The following PXDNL variants were observed in gnomAD, a reference collection of about 807,000 sequenced individuals.
PXDNL encodes the protein probable oxidoreductase PXDNL.
PXDNL carries 145 observed loss-of-function variants against 150.8 expected under a neutral mutation model. That is an observed-to-expected ratio of 0.96 (90% confidence interval 0.84 to 1.10). PXDNL has a LOEUF of 1.10. PXDNL is among the 50% of genes least tolerant of loss of function. PXDNL has a pLI of 0.00. For missense variants in PXDNL, 2,087 were observed against 1,873.9 expected (o/e 1.11, Z -2.10); for synonymous variants, 757 against 725.7 (o/e 1.04, Z -0.69).
At chr8:51,348,803 T>C (rs1317822838) in intron 19 of PXDNL, among the ~76,000 whole-genome samples, 3 of 152,162 alleles carry the variant, frequency 2.0e-5, no homozygotes, top group Admixed American at 2.0e-4. Context: ...GATTATATTA[T>C]CTTGTACAAA....
chr8:51,336,211 T>C (rs1805826858), intron 21 of PXDNL, among the ~76,000 whole-genome samples: 1 of 152,226 alleles, frequency 6.6e-6, no homozygotes, highest in Non-Finnish European at 1.5e-5. Context: ...GTTTAATCTA[T>C]TTCTTCACTA....
chr8:51,458,585 GT>G (rs1249419940), intron 8 of PXDNL, among the ~76,000 whole-genome samples: 13 of 152,076 alleles, frequency 8.5e-5, no homozygotes, highest in African/African-American at 3.1e-4. Flanking sequence ...CCGATGTTTT[GT>G]CACCCATAAA....
At chr8:51,325,155 C>G (rs1016782556) in intron 21 of PXDNL, among the ~76,000 whole-genome samples, 1 of 152,212 alleles carries the variant, frequency 6.6e-6, no homozygotes, top group East Asian at 1.9e-4. Context: ...TGAGCCACTG[C>G]ACCCAGCTTA....
At chr8:51,798,380 C>A (rs546685697) in intron 1 of PXDNL, among the ~76,000 whole-genome samples, 2 of 152,276 alleles carry the variant, frequency 1.3e-5, no homozygotes, top group South Asian at 4.1e-4. Flanking sequence ...AAGAAACTAT[C>A]ATCAGAGTGA....
intron 15 of PXDNL, 125 bp from the exon 16 acceptor site, chr8:51,411,532 C>T (rs1808650562): frequency 1.5e-5 from 12 of 822,150 alleles, no homozygotes; most frequent in South Asian, 2.9e-5. Context: ...TCCACCACTA[C>T]AATAGAGGCT....
intron 3 of PXDNL, among the ~76,000 whole-genome samples, chr8:51,567,216 G>A (rs1207067564): frequency 6.6e-6 from 1 of 151,608 alleles, no homozygotes; most frequent in African/African-American, 2.4e-5. Flanking sequence ...CTTGGTGAAT[G>A]TTCTATGTGA....
At chr8:51,652,840 TATTATCC>T (rs1815070206) in intron 2 of PXDNL, among the ~76,000 whole-genome samples, 1 of 152,236 alleles carries the variant, frequency 6.6e-6, no homozygotes, top group African/African-American at 2.4e-5. Flanking sequence ...AACAAATTAA[TATTATCC>T]ATGGTTTCTG....
chr8:51,601,313 G>T (rs746677925), intron 2 of PXDNL, among the ~76,000 whole-genome samples: 1 of 151,802 alleles, frequency 6.6e-6, no homozygotes, highest in Non-Finnish European at 1.5e-5. Flanking sequence ...CAATGTTGTC[G>T]TTGGGGTGTT....
At chr8:51,378,342 T>A (rs1021741784) in intron 17 of PXDNL, among the ~76,000 whole-genome samples, 1 of 152,074 alleles carries the variant, frequency 6.6e-6, no homozygotes, top group African/African-American at 2.4e-5. Flanking sequence ...TGTGTCTAGC[T>A]CAAGGTTTGT....
At chr8:51,663,262 C>T (rs1448870854) in intron 1 of PXDNL, among the ~76,000 whole-genome samples, 1 of 152,162 alleles carries the variant, frequency 6.6e-6, no homozygotes, top group African/African-American at 2.4e-5. Flanking sequence ...AGCTGAGACC[C>T]CAGTGATGGA....
At chr8:51,583,699 G>T (rs935776870) in intron 3 of PXDNL, among the ~76,000 whole-genome samples, 1 of 152,098 alleles carries the variant, frequency 6.6e-6, no homozygotes, top group African/African-American at 2.4e-5. Context: ...TCCATGGTAG[G>T]TGTTTATTAC....
intron 8 of PXDNL, among the ~76,000 whole-genome samples, chr8:51,462,399 C>G (rs894262976): frequency 6.6e-6 from 1 of 152,026 alleles, no homozygotes; most frequent in Non-Finnish European, 1.5e-5. Context: ...TCCAAGGAAG[C>G]CAATAGAATG....
intron 1 of PXDNL, among the ~76,000 whole-genome samples, chr8:51,731,498 T>C (rs1220859810): frequency 6.6e-6 from 1 of 152,194 alleles, no homozygotes; most frequent in Non-Finnish European, 1.5e-5. Context: ...TCCAGGCACA[T>C]AGTGCAAGCT....
intron 5 of PXDNL, among the ~76,000 whole-genome samples, chr8:51,491,034 C>T (rs1039724534): frequency 6.6e-6 from 1 of 151,962 alleles, no homozygotes; most frequent in African/African-American, 2.4e-5. Context: ...CAGCTGCCGG[C>T]GTGGCCAGAA....
chr8:51,556,873 T>C lies in PXDNL; in HGVS notation c.347A>G (p.Gln116Arg). The C allele has an allele frequency of 6.3e-7, 1 of 1,584,860 alleles. No individual in the cohort carries two copies. Among genetic ancestry groups the C allele is most frequent in the Non-Finnish European group, 8.7e-7 (1 of 1,154,214 alleles). The change falls in exon 4 of 23, where the codon CAA (glutamine) becomes CGA (arginine). Residue 116 changes from glutamine to arginine, a missense_variant. Transcript: ENST00000356297. Reference sequence around the variant, plus strand: ...CAAAGATATGAGTCCTTTAAATGTTTGCTTATCTAGTGCATGGATTTCATT... The same window carrying C: ...CAAAGATATGAGTCCTTTAAATGTTCGCTTATCTAGTGCATGGATTTCATT... The part of the protein sequence containing the change: ...YKNEIHALDK[Q>R]TFKGLISLEH...
intron 4 of PXDNL, among the ~76,000 whole-genome samples, chr8:51,534,504 C>T (rs1812012066): frequency 8.6e-5 from 1 of 11,684 alleles, no homozygotes; most frequent in African/African-American, 1.0e-3. Context: ...CCCCGCCCGG[C>T]CAGCCGCCCA....
intron 4 of PXDNL, among the ~76,000 whole-genome samples, chr8:51,506,352 C>T (rs1811286806): frequency 6.6e-6 from 1 of 151,894 alleles, no homozygotes; most frequent in Admixed American, 6.6e-5. Flanking sequence ...ACCATCCTGG[C>T]CAACATGGTG....
At chr8:51,560,299 A>T (rs1812693011) in intron 3 of PXDNL, among the ~76,000 whole-genome samples, 1 of 151,786 alleles carries the variant, frequency 6.6e-6, no homozygotes, top group South Asian at 2.1e-4. Flanking sequence ...TTTTTTTTGC[A>T]GAAATAGGGA....
chr8:51,657,100 C>T (rs1035362859), intron 1 of PXDNL, among the ~76,000 whole-genome samples: 4 of 152,272 alleles, frequency 2.6e-5, no homozygotes, highest in Admixed American at 2.6e-4. Flanking sequence ...CTACCTTAAA[C>T]ACGCTCAGAA....
Sources: allele counts gnomAD v4.1 joint callset (sites outside exome capture counted in the v4.1 genomes callset), GRCh38; gene constraint gnomAD v4.1.1; transcripts MANE v1.5; gene names NCBI Gene and HGNC (gene_info 2026-07-23, HGNC 2026-07-21).